The following C2CD2 variants were observed in gnomAD, a reference collection of about 807,000 sequenced individuals.
The protein encoded by C2CD2 is C2 calcium dependent domain containing 2.
In C2CD2, 43 loss-of-function variants were observed where a neutral mutation model predicts 74.3. The observed-to-expected ratio is 0.58, with a 90% CI of 0.45 to 0.75. The LOEUF (loss-of-function observed/expected upper bound fraction) is 0.75. C2CD2 is among the 30% of genes least tolerant of loss of function. C2CD2 has a pLI of 0.00. For missense variants in C2CD2, 801 were observed against 916.3 expected (o/e 0.87, Z 1.63); for synonymous variants, 422 against 390.7 (o/e 1.08, Z -0.94).
chr21:41,893,521 C>CAT (rs2064782276), intron 13 of C2CD2, among the ~76,000 whole-genome samples: 1 of 152,142 alleles, frequency 6.6e-6, no homozygotes, highest in African/African-American at 2.4e-5. Flanking sequence ...CTCCGGGCTC[C>CAT]AGTCTGTTGT....
chr21:41,947,003 T>A (rs1454958861), intron 1 of C2CD2, among the ~76,000 whole-genome samples: 1 of 152,020 alleles, frequency 6.6e-6, no homozygotes, highest in Non-Finnish European at 1.5e-5. Context: ...CCTAGAACAA[T>A]ACAAGGAGAC....
intron 13 of C2CD2, among the ~76,000 whole-genome samples, chr21:41,898,583 C>T (rs2064851269): frequency 6.6e-6 from 1 of 152,328 alleles, no homozygotes; most frequent in South Asian, 2.1e-4. Context: ...GAGCTTTTCT[C>T]CCTGTAGAGC....
chr21:41,933,918 G>A (rs912480206), intron 2 of C2CD2, among the ~76,000 whole-genome samples: 13 of 152,158 alleles, frequency 8.5e-5, no homozygotes, highest in Non-Finnish European at 1.5e-4. Flanking sequence ...CAAGAGCTAC[G>A]TGGAAAATTG....
intron 11 of C2CD2, 79 bp from the exon 12 acceptor site, chr21:41,901,828 G>T: frequency 1.6e-6 from 2 of 1,276,040 alleles, no homozygotes; most frequent in Non-Finnish European, 2.3e-6. Context: ...TAATGGAAAT[G>T]GTCGATAAGC....
At position 41,953,332 on chromosome 21, in the gene C2CD2, C is replaced by T. The variant is rs552588268; in HGVS notation, c.279+38G>A. The T allele has an allele frequency of 8.2e-6, 11 of 1,337,222 alleles. No individual in the cohort carries two copies. The African/African-American group carries it at 1.4e-4, about 17-fold the overall frequency. 82.8% of individuals were successfully genotyped at this position (1,337,222 alleles called of 1,614,324 possible). A position where few individuals can be genotyped will look rare whatever the true frequency, so the allele number is the denominator to read the frequency against. ...CCTCGGCCCGGACCGCCCGCCCCGG[C>T]ATCTGCCGCCCCCCGGCCCGCAGTC... is the stretch of plus-strand genomic sequence containing the variant. On this transcript the variant is annotated intron_variant, in intron 1 of 13. Transcript: ENST00000380486.
At position 41,926,394 on chromosome 21, in the gene C2CD2, G is replaced by GA. The variant is rs1164981682; in HGVS notation, c.379-4310_379-4309insT. 67 of 979,906 alleles carry GA rather than the reference G, an allele frequency of 6.8e-5. No individual in the cohort carries two copies. The highest frequency in any genetic ancestry group is 2.3e-4 in the East Asian group (2 of 8,780). The allele number at this position is 979,906 out of a possible 1,614,324, so 60.7% of individuals were successfully genotyped here. ...GGTCTCCACATGGAAAGGCCAAGGG[G>GA]GGACTCACGGTTGGCAGGTGAGGGT... On this transcript the variant is annotated intron_variant, in intron 2 of 13. Coordinates refer to ENST00000380486, the MANE Select transcript of C2CD2 (RefSeq NM_015500.2). This position sits in a 1 kb window ranked among gnomAD's most constrained non-coding sequence, Gnocchi z 8.0.
In C2CD2 at chr21:41,948,896, T is replaced by TTTTTTTTTG. The variant is rs2065426888; in HGVS notation, c.279+4473_279+4474insCAAAAAAAA. Among the ~76,000 whole-genome samples the TTTTTTTTTG allele has an allele frequency of 1.4e-5, 2 of 141,098 alleles. 1 individual carries two copies. Among genetic ancestry groups the TTTTTTTTTG allele is most frequent in the Non-Finnish European group, 3.1e-5 (2 of 64,096 alleles). 92.6% of individuals were successfully genotyped at this position (141,098 alleles called of 152,430 possible). ...TTTTTTTTTTTTTTTTTTTTTTCTT[T>TTTTTTTTTG]TTTTTTACAAAGACCATAATGATCA... On this transcript the variant is annotated intron_variant, in intron 1 of 13. Coordinates refer to ENST00000380486, the MANE Select transcript of C2CD2 (RefSeq NM_015500.2).
chr21:41,898,077 C>T (rs972740805), intron 13 of C2CD2, among the ~76,000 whole-genome samples: 1 of 152,216 alleles, frequency 6.6e-6, no homozygotes. Context: ...GCGACAGCAG[C>T]GCTTAACAAA....
intron 13 of C2CD2, chr21:41,894,818 C>T: frequency 2.2e-6 from 1 of 456,624 alleles, no homozygotes; most frequent in Non-Finnish European, 4.4e-6. Flanking sequence ...GAGAACAGGG[C>T]CCCCAGATTT....
intron 2 of C2CD2, 59 bp from the exon 3 acceptor site, chr21:41,922,144 T>C: frequency 2.1e-6 from 2 of 944,372 alleles, no homozygotes; most frequent in South Asian, 2.8e-5. Context: ...AGCGCGTGCA[T>C]ACGCATCTTC....
At chr21:41,894,019 T>C (rs567831271) in intron 13 of C2CD2, among the ~76,000 whole-genome samples, 27 of 152,328 alleles carry the variant, frequency 1.8e-4, no homozygotes, top group African/African-American at 6.0e-4. Context: ...AATTTCATAG[T>C]TCAACATCAA....
chr21:41,891,477 G>A (rs2064753156), intron 13 of C2CD2, among the ~76,000 whole-genome samples: 1 of 152,228 alleles, frequency 6.6e-6, no homozygotes, highest in South Asian at 2.1e-4. Flanking sequence ...GTATCAGAGG[G>A]CACCTGCTGG....
intron 13 of C2CD2, among the ~76,000 whole-genome samples, chr21:41,889,718 C>T (rs2064727739): frequency 6.6e-6 from 1 of 151,938 alleles, no homozygotes; most frequent in Non-Finnish European, 1.5e-5. Context: ...ACTGCAACCT[C>T]CACCTCCAGG....
At position 41,950,335 on chromosome 21, in the gene C2CD2, C is replaced by A. The variant is rs376605398; in HGVS notation, c.279+3035G>T. Among the ~76,000 whole-genome samples the A allele has an allele frequency of 1.3e-3, 195 of 152,280 alleles. 1 individual carries two copies. Among genetic ancestry groups the A allele is most frequent in the African/African-American group, 4.1e-3 (170 of 41,562 alleles). ...ACTCCTGTGATCCCTGCACACCTGG[C>A]GTCCACCTGGCCAGCAGGCAGATCA... On this transcript the variant is annotated intron_variant, in intron 1 of 13. Transcript: ENST00000380486.
In C2CD2 at chr21:41,924,454, A is replaced by C. The variant is rs1371375807; in HGVS notation, c.379-2369T>G. Among the ~76,000 whole-genome samples, 2 of 152,268 alleles carry C rather than the reference A, an allele frequency of 1.3e-5. No individual in the cohort carries two copies. Among genetic ancestry groups the C allele is most frequent in the Admixed American group, 6.5e-5 (1 of 15,292 alleles). The stretch of plus-strand genomic sequence containing the variant: ...CGGTTCTTATAACGCCACGTTCAGA[A>C]GACTGATACACATGAGTTAATTACA... On this transcript the variant is annotated intron_variant, in intron 2 of 13. Coordinates refer to ENST00000380486, the MANE Select transcript of C2CD2 (RefSeq NM_015500.2). The surrounding 1 kb of genome is among the most constrained non-coding windows in gnomAD (Gnocchi z 4.4).
Position 41,932,482 on chromosome 21 carries a change from G to A in C2CD2, c.378+9665C>T, listed in dbSNP as rs1321136043. On this transcript the variant is annotated intron_variant, in intron 2 of 13. Transcript: ENST00000380486. ...AGAACGGGGGCAACCCGGAGCTTAC[G>A]CCTGGTGTCTGAAGTGGGGGCCGTC... Among the ~76,000 whole-genome samples, 4 of 150,824 alleles carry A rather than the reference G, an allele frequency of 2.7e-5. No individual in the cohort carries two copies. In the East Asian group the frequency reaches 5.8e-4, roughly 22 times the overall value.
chr21:41,907,011 C>T lies in C2CD2; in HGVS notation c.1299G>A (p.Arg433=). 6.2e-7 allele frequency: 1 copy of T among 1,613,866 alleles called. No homozygotes were observed. Among genetic ancestry groups the T allele is most frequent in the Non-Finnish European group, 8.5e-7 (1 of 1,179,952 alleles). ...TCTCACCAGAGCTCAGCGGGGACGC[C>T]CTCCCCACGTCGACGCGAGGCTTGG... The part of the protein sequence containing the change: ...VKTKPRVDVG[R]ASPLSSDSPV... The change falls in exon 10 of 14, where the codon AGG becomes AGA. Residue 433 remains arginine, a synonymous_variant. Coordinates refer to ENST00000380486, the MANE Select transcript of C2CD2 (RefSeq NM_015500.2).
intron 3 of C2CD2, among the ~76,000 whole-genome samples, chr21:41,920,639 G>A (rs986051742): frequency 2.0e-5 from 3 of 152,222 alleles, no homozygotes; most frequent in Admixed American, 6.5e-5. Flanking sequence ...TCAGAGAAGC[G>A]GGAACGCCTC....
chr21:41,934,118 A>G (rs1461861908), intron 2 of C2CD2, among the ~76,000 whole-genome samples: 1 of 152,164 alleles, frequency 6.6e-6, no homozygotes, highest in Non-Finnish European at 1.5e-5. Flanking sequence ...AATTATATCA[A>G]AACAAATACA....
Sources: allele counts gnomAD v4.1 joint callset (sites outside exome capture counted in the v4.1 genomes callset), GRCh38; gene constraint gnomAD v4.1.1; non-coding constraint Gnocchi (gnomAD v3.1); transcripts MANE v1.5; gene names NCBI Gene and HGNC (gene_info 2026-07-23, HGNC 2026-07-21).